Variants in RMDN2 observed in about 807,000 individuals in gnomAD.
RMDN2 encodes regulator of microtubule dynamics protein 2.
A neutral mutation model predicts 52.8 loss-of-function variants in RMDN2; 61 were observed. That is an observed-to-expected ratio of 1.16 (90% CI 0.94 to 1.43). The LOEUF is 1.43. RMDN2 is among the 40% of genes most tolerant of loss of function. The pLI, the probability that RMDN2 is intolerant of heterozygous loss-of-function variation, is 0.00. For missense variants in RMDN2, 592 were observed against 475.3 expected (o/e 1.25, Z -2.28); for synonymous variants, 180 against 153.1 (o/e 1.18, Z -1.30).
At chr2:37,979,479 C>G (rs1673017126) in intron 4 of RMDN2, among the ~76,000 whole-genome samples, 1 of 152,094 alleles carries the variant, frequency 6.6e-6, no homozygotes, top group Non-Finnish European at 1.5e-5. Flanking sequence ...CTCATAATAG[C>G]ATGTTTAAGG....
chr2:38,006,343 T>G (rs1677083033), intron 10 of RMDN2, among the ~76,000 whole-genome samples: 1 of 152,246 alleles, frequency 6.6e-6, no homozygotes, highest in South Asian at 2.1e-4. Context: ...GAGCATGGAA[T>G]GTTCTTCCAT....
chr2:37,965,038 A>T (rs891315597), intron 2 of RMDN2, among the ~76,000 whole-genome samples: 2 of 152,090 alleles, frequency 1.3e-5, no homozygotes, highest in African/African-American at 4.8e-5. Flanking sequence ...CTACTAGTAT[A>T]GCCACTCCCA....
At chr2:37,981,751 A>C (rs1673349303) in intron 5 of RMDN2, among the ~76,000 whole-genome samples, 1 of 152,206 alleles carries the variant, frequency 6.6e-6, no homozygotes, top group Non-Finnish European at 1.5e-5. Context: ...GATCAAGGAA[A>C]AGCCATTTAT....
rs138720299 is a variant in RMDN2 at position 37,957,964 on chromosome 2, G to T, written c.453-16076G>T. 1.0e-3 allele frequency among the ~76,000 whole-genome samples: 158 copies of T among 152,228 alleles called. 2 individuals are homozygous for T. In the East Asian group the frequency reaches 0.026, roughly 25 times the overall value. ...AAGATCAGGTGGTTGTAGATGTGTGGTGTTATTTTTGAGGCCTCTGTTCTA... is the reference window on the plus strand; with the variant it reads ...AAGATCAGGTGGTTGTAGATGTGTGTTGTTATTTTTGAGGCCTCTGTTCTA... On this transcript the variant is annotated intron_variant, in intron 2 of 10. Transcript: ENST00000354545.
chr2:37,952,189 T>C (rs775194959), intron 2 of RMDN2: 1 of 1,613,132 alleles, frequency 6.2e-7, no homozygotes, highest in Non-Finnish European at 8.5e-7. Context: ...CCTATTGAAA[T>C]TCCTAAAATA....
At chr2:38,016,048 C>T (rs1038365000) in intron 10 of RMDN2, among the ~76,000 whole-genome samples, 4 of 152,078 alleles carry the variant, frequency 2.6e-5, no homozygotes, top group Admixed American at 6.5e-5. Context: ...TAATGAAAAC[C>T]ATAAAATTAA....
At chr2:38,024,009 T>C (rs892468229) in intron 10 of RMDN2, among the ~76,000 whole-genome samples, 3 of 152,186 alleles carry the variant, frequency 2.0e-5, no homozygotes, top group Non-Finnish European at 4.4e-5. Context: ...CATTACATTT[T>C]CTAGTATTTT....
chr2:37,996,653 G>T (rs1476567050), intron 7 of RMDN2, among the ~76,000 whole-genome samples: 1 of 151,340 alleles, frequency 6.6e-6, no homozygotes, highest in African/African-American at 2.4e-5. Context: ...TAGGTGATGG[G>T]ACTGAGAAGG....
rs115217195 is a variant in RMDN2 at position 37,954,026 on chromosome 2, A to G, written c.453-20014A>G. Among the ~76,000 whole-genome samples the G allele has an allele frequency of 7.4e-3, 1,119 of 151,670 alleles. 14 individuals are homozygous for G. The highest frequency in any genetic ancestry group is 0.025 in the African/African-American group (1,033 of 41,394). ...GAGAAATGCCAATTCAAGTCCCTTG[A>G]TCCTTTTTTTTAAATCAGGTTGTTT... On this transcript the variant is annotated intron_variant, in intron 2 of 10. Transcript: ENST00000354545.
chr2:37,946,305 T>A (rs1572737136), intron 2 of RMDN2, among the ~76,000 whole-genome samples: 1 of 152,112 alleles, frequency 6.6e-6, no homozygotes, highest in African/African-American at 2.4e-5. Flanking sequence ...ACTTTAGTTT[T>A]TTTCAGGGAG....
At chr2:38,055,124 G>A (rs1277013164) in intron 10 of RMDN2, among the ~76,000 whole-genome samples, 1 of 152,020 alleles carries the variant, frequency 6.6e-6, no homozygotes, top group Non-Finnish European at 1.5e-5. Flanking sequence ...TCCTCAGTGA[G>A]GCCAGGACCA....
chr2:37,927,763 TA>T (rs750420951), intron 1 of RMDN2, among the ~76,000 whole-genome samples: 21 of 152,246 alleles, frequency 1.4e-4, no homozygotes, highest in Non-Finnish European at 1.2e-4. Context: ...TAGAGTGACT[TA>T]TTTTTTTGCA....
At chr2:38,000,174 T>C (rs1404679061) in intron 8 of RMDN2, among the ~76,000 whole-genome samples, 1 of 152,064 alleles carries the variant, frequency 6.6e-6, no homozygotes, top group African/African-American at 2.4e-5. Context: ...CCTGGGGAAA[T>C]TCTTTCAAAC....
chr2:37,955,023 C>T (rs1442168867), intron 2 of RMDN2, among the ~76,000 whole-genome samples: 4 of 151,752 alleles, frequency 2.6e-5, no homozygotes, highest in Non-Finnish European at 5.9e-5. Context: ...AGAAATACAC[C>T]TGATTTTTAT....
chr2:37,953,655 G>A (rs570210270), intron 2 of RMDN2, among the ~76,000 whole-genome samples: 6 of 152,106 alleles, frequency 3.9e-5, no homozygotes, highest in South Asian at 2.1e-4. Context: ...CTATGAACAC[G>A]TGCATGCAAC....
At chr2:38,000,567 A>G (rs933149569) in intron 8 of RMDN2, among the ~76,000 whole-genome samples, 1 of 152,312 alleles carries the variant, frequency 6.6e-6, no homozygotes, top group East Asian at 1.9e-4. Flanking sequence ...AGTTTTGCCC[A>G]TTCTAAAATT....
intron 10 of RMDN2, among the ~76,000 whole-genome samples, chr2:38,045,653 A>T (rs1350654058): frequency 2.0e-5 from 3 of 152,188 alleles, no homozygotes; most frequent in Non-Finnish European, 4.4e-5. Flanking sequence ...AAAATTAAGA[A>T]GCATTAGTTA....
At chr2:38,050,907 G>A (rs1306439808) in intron 10 of RMDN2, among the ~76,000 whole-genome samples, 49 of 152,172 alleles carry the variant, frequency 3.2e-4, no homozygotes, top group Admixed American at 3.2e-3. Flanking sequence ...GATTACAGCT[G>A]TGCATTACTA....
chr2:38,033,280 A>C (rs929920526), intron 10 of RMDN2: 4 of 152,242 alleles, frequency 2.6e-5, no homozygotes, highest in African/African-American at 9.6e-5. Flanking sequence ...TAACACTGGC[A>C]GTACACAAAC....
Sources: allele counts gnomAD v4.1 joint callset (sites outside exome capture counted in the v4.1 genomes callset), GRCh38; gene constraint gnomAD v4.1.1; transcripts MANE v1.5; gene names NCBI Gene and HGNC (gene_info 2026-07-23, HGNC 2026-07-21).